The following CDKN2AIP variants were observed in gnomAD, a reference collection of about 807,000 sequenced individuals.
The protein encoded by CDKN2AIP is CDKN2A-interacting protein.
In CDKN2AIP, 12 loss-of-function variants were observed where a neutral mutation model predicts 44.1. The ratio of observed to expected loss-of-function variants is 0.27; its 90% CI spans 0.17 to 0.44. The LOEUF is 0.44. Among genes scored for constraint, CDKN2AIP ranks in the 20% least tolerant of loss-of-function variants. CDKN2AIP has a pLI of 1.00. For missense variants in CDKN2AIP, 705 were observed against 681.6 expected, an observed-to-expected ratio of 1.03 and a Z score of -0.38; for synonymous variants, 291 against 272.1, an observed-to-expected ratio of 1.07 and a Z score of -0.68.
In CDKN2AIP at chr4:183,449,002, G is replaced by T. The variant is rs1211726318; in HGVS notation, c.*1575G>T. On this transcript the variant is annotated 3_prime_UTR_variant, in exon 3 of 3. Coordinates refer to ENST00000504169, the MANE Select transcript of CDKN2AIP (RefSeq NM_017632.4). ...CAGTCTTGGAATGTGTATTTTGTGG[G>T]ATAATGATTATCAGAAAAGCAAAAA... is the stretch of plus-strand genomic sequence containing the variant. 6.6e-6 allele frequency among the ~76,000 whole-genome samples: 1 copy of T among 152,062 alleles called. No homozygotes were observed. Among genetic ancestry groups the T allele is most frequent in the Non-Finnish European group, 1.5e-5 (1 of 67,980 alleles).
rs1445933753 is a variant in CDKN2AIP at position 183,444,745 on chromosome 4, G to C, written c.-53G>C. On this transcript the variant is annotated 5_prime_UTR_variant, in exon 1 of 3. Coordinates refer to ENST00000504169, the MANE Select transcript of CDKN2AIP (RefSeq NM_017632.4). ...CCGCAGTGACAGGGCCGCTCGCCCC[G>C]CTAGTCCTGCCTGTCTCCCGGTGCA... 6.8e-7 allele frequency: 1 copy of C among 1,464,296 alleles called. No individual in the cohort carries two copies. The highest frequency in any genetic ancestry group is 9.1e-7 in the Non-Finnish European group (1 of 1,101,666). 90.7% of individuals were successfully genotyped at this position (1,464,296 alleles called of 1,614,324 possible).
chr4:183,444,949 G>T lies in CDKN2AIP; in HGVS notation c.152G>T (p.Gly51Val). ...GCCGGGGACCTGGCCCCCGCTGGCG[G>T]CGCTGCCTCCGCTAGCACGGATGAA... Reference protein sequence around the residue: ...RNAGDLAPAGGAASASTDEAA... With the variant: ...RNAGDLAPAGVAASASTDEAA... Residue 51 changes from glycine (G) to valine (V), a missense_variant, in exon 1 of 3, where the codon GGC (glycine) becomes GTC (valine). Transcript: ENST00000504169. 6.2e-7 allele frequency: 1 copy of T among 1,611,474 alleles called. No individual in the cohort carries two copies. Among genetic ancestry groups the T allele is most frequent in the Non-Finnish European group, 8.5e-7 (1 of 1,178,950 alleles).
rs137974669 is a variant in CDKN2AIP, at chr4:183,446,145, T to C, written c.461T>C (p.Val154Ala). ...ATAGAAGGAAAAAACAGTTCTGCAGTTGAGCAAGATCACGCAAAAACCTCT... is the reference window on the plus strand; with the variant it reads ...ATAGAAGGAAAAAACAGTTCTGCAGCTGAGCAAGATCACGCAAAAACCTCT... ...RVIEGKNSSA[V>A]EQDHAKTSAK... The change falls in exon 3 of 3, where the codon GTT becomes GCT. Residue 154 changes from valine (V) to alanine (A), a missense_variant. Around this residue, in one of 2 missense-constraint regions of CDKN2AIP, gnomAD observed 592 missense variants for 518.0 expected, o/e 1.14. Coordinates refer to ENST00000504169, the MANE Select transcript of CDKN2AIP (RefSeq NM_017632.4). 1.1e-5 allele frequency: 17 copies of C among 1,613,958 alleles called. No individual in the cohort carries two copies. The African/African-American group carries it at 2.3e-4, about 22-fold the overall frequency.
In CDKN2AIP at chr4:183,446,107, C is replaced by T. The variant is rs754145820; in HGVS notation, c.423C>T (p.Ser141=). The T allele has an allele frequency of 6.2e-7, 1 of 1,609,090 alleles. No individual in the cohort carries two copies. ...TTTTAGAAGGGGTAGAAGAGCCATCCAAAAAACGAGTTATAGAAGGAAAAA... is the reference window on the plus strand; with the variant it reads ...TTTTAGAAGGGGTAGAAGAGCCATCTAAAAAACGAGTTATAGAAGGAAAAA... ...SSSNEGVEEP[S]KKRVIEGKNS... Residue 141 remains serine (S), a synonymous_variant, in exon 3 of 3, where the codon TCC becomes TCT. Transcript: ENST00000504169.
chr4:183,444,689 G>C lies in CDKN2AIP; in HGVS notation c.-109G>C. On this transcript the variant is annotated 5_prime_UTR_variant, in exon 1 of 3. Coordinates refer to ENST00000504169, the MANE Select transcript of CDKN2AIP (RefSeq NM_017632.4). ...GTTGTTTGGTCTTTAGGCCTGCGGA[G>C]GGGCGTTATCTGGAGGGCCGCGGGT... 1 of 1,122,928 alleles carries C rather than the reference G, an allele frequency of 8.9e-7. No homozygotes were observed. The highest frequency in any genetic ancestry group is 1.7e-5 in the South Asian group (1 of 59,494). 69.6% of individuals were successfully genotyped at this position (1,122,928 alleles called of 1,614,324 possible). A position where few individuals can be genotyped will look rare whatever the true frequency, so the allele number is the denominator to read the frequency against.
In CDKN2AIP at chr4:183,446,693, A is replaced by T. The variant is rs1733689926; in HGVS notation, c.1009A>T (p.Ser337Cys). 1 of 1,614,114 alleles carries T rather than the reference A, an allele frequency of 6.2e-7. No individual in the cohort carries two copies. ...TGTTTCATCATCAGTTGCTAAAAAC[A>T]GTTCCTCATCAGGCACATCCTTACT... The part of the protein sequence containing the change: ...ASVSSSVAKN[S>C]SSSGTSLLTP... The change falls in exon 3 of 3, where the codon AGT becomes TGT. Residue 337 changes from serine (S) to cysteine (C), a missense_variant. By Grantham distance (112) the Ser-to-Cys change is moderately radical (BLOSUM62 -1). Coordinates refer to ENST00000504169, the MANE Select transcript of CDKN2AIP (RefSeq NM_017632.4).
chr4:183,444,989 G>C lies in CDKN2AIP; in HGVS notation c.192G>C (p.Glu64Asp). ...GCACGGATGAAGCTGCCGACGCCGAGAGCGGGACCCGAAACCGGCAGCTGC... is the reference window on the plus strand; with the variant it reads ...GCACGGATGAAGCTGCCGACGCCGACAGCGGGACCCGAAACCGGCAGCTGC... ...SASTDEAADAESGTRNRQLQQ... is the reference protein window; with the variant it reads ...SASTDEAADADSGTRNRQLQQ... Residue 64 changes from glutamate to aspartate, a missense_variant, in exon 1 of 3, where the codon GAG becomes GAC. By Grantham distance (45) the Glu-to-Asp change is conservative. Around this residue, in one of 2 missense-constraint regions of CDKN2AIP, gnomAD observed 592 missense variants for 518.0 expected, o/e 1.14. Coordinates refer to ENST00000504169, the MANE Select transcript of CDKN2AIP (RefSeq NM_017632.4). The C allele has an allele frequency of 2.5e-6, 4 of 1,605,756 alleles. No homozygotes were observed. The Middle Eastern group carries it at 6.6e-4, about 266-fold the overall frequency.
chr4:183,447,589 AATTT>A lies in CDKN2AIP; in HGVS notation c.*165_*168del, dbSNP rs1733710976. 1 of 524,702 alleles carries A rather than the reference AATTT, an allele frequency of 1.9e-6. No homozygotes were observed. The highest frequency in any genetic ancestry group is 3.3e-6 in the Non-Finnish European group (1 of 298,780). 32.5% of individuals were successfully genotyped at this position (524,702 alleles called of 1,614,324 possible). ...TCTTCACACAGTAGCAGTTGTAAAT[AATTT>A]ATGAATGACAGTACACATTAAAAGG... On this transcript the variant is annotated 3_prime_UTR_variant, in exon 3 of 3. Transcript: ENST00000504169.
chr4:183,447,342 A>T lies in CDKN2AIP; in HGVS notation c.1658A>T (p.Glu553Val). The change falls in exon 3 of 3, where the codon GAA (glutamate) becomes GTA (valine). Residue 553 changes from glutamate to valine, a missense_variant. Physicochemically the swap from Glu to Val is moderately radical, Grantham distance 121 (BLOSUM62 -2). Transcript: ENST00000504169. Reference protein sequence around the residue: ...KICKRKYRGSEIEDLVLLDEE... With the variant: ...KICKRKYRGSVIEDLVLLDEE... ...TGTAAAAGGAAATACAGAGGCAGTG[A>T]AATAGAAGATCTAGTACTCCTTGAT... 1 of 1,607,054 alleles carries T rather than the reference A, an allele frequency of 6.2e-7. No homozygotes were observed. Among genetic ancestry groups the T allele is most frequent in the Non-Finnish European group, 8.5e-7 (1 of 1,176,832 alleles).
chr4:183,447,112 A>C lies in CDKN2AIP; in HGVS notation c.1428A>C (p.Ala476=). The C allele has an allele frequency of 6.2e-7, 1 of 1,614,064 alleles. No homozygotes were observed. The highest frequency in any genetic ancestry group is 1.1e-5 in the South Asian group (1 of 91,080). ...LLNAAIEALK[A]TLDVFFVPLK... ...ATGCAGCTATTGAGGCTCTGAAAGCAACACTGGATGTATTTTTTGTCCCAC... is the reference window on the plus strand; with the variant it reads ...ATGCAGCTATTGAGGCTCTGAAAGCCACACTGGATGTATTTTTTGTCCCAC... The change falls in exon 3 of 3, where the codon GCA becomes GCC. Residue 476 remains alanine (A), a synonymous_variant. Transcript: ENST00000504169.
chr4:183,446,638 G>A lies in CDKN2AIP; in HGVS notation c.954G>A (p.Gly318=), dbSNP rs373972913. The change falls in exon 3 of 3, where the codon GGG becomes GGA. Residue 318 remains glycine (G), a synonymous_variant. Coordinates refer to ENST00000504169, the MANE Select transcript of CDKN2AIP (RefSeq NM_017632.4). Reference sequence around the variant, plus strand: ...CTAGTTCAGAGACAGCTTCAAGTGGGTTAACTTCCAAAACTAGTTCAGAGG... The same window carrying A: ...CTAGTTCAGAGACAGCTTCAAGTGGATTAACTTCCAAAACTAGTTCAGAGG... ...SKPSSETASS[G]LTSKTSSEAS... is the part of the protein sequence containing the mutation. The A allele has an allele frequency of 3.7e-6, 6 of 1,614,054 alleles. No homozygotes were observed. Among genetic ancestry groups the A allele is most frequent in the Non-Finnish European group, 5.1e-6 (6 of 1,179,894 alleles).
rs751948368 is a variant in CDKN2AIP at position 183,446,352 on chromosome 4, C to G, written c.668C>G (p.Thr223Arg). 6.2e-7 allele frequency: 1 copy of G among 1,614,142 alleles called. No homozygotes were observed. The highest frequency in any genetic ancestry group is 2.2e-5 in the East Asian group (1 of 44,886). ...QSSSSVSSQVTTAGSGKASEA... is the reference protein window; with the variant it reads ...QSSSSVSSQVRTAGSGKASEA... Reference sequence around the variant, plus strand: ...AGCAGCAGCGTTTCCTCTCAGGTAACAACGGCAGGATCTGGGAAAGCTTCT... The same window carrying G: ...AGCAGCAGCGTTTCCTCTCAGGTAAGAACGGCAGGATCTGGGAAAGCTTCT... The change falls in exon 3 of 3, where the codon ACA (threonine) becomes AGA (arginine). Residue 223 changes from threonine to arginine, a missense_variant. Physicochemically the swap from Thr to Arg is moderately conservative, Grantham distance 71 (BLOSUM62 -1). Transcript: ENST00000504169.
Position 183,446,191 on chromosome 4 carries a change from A to C in CDKN2AIP, c.507A>C (p.Ser169=). The C allele has an allele frequency of 6.2e-7, 1 of 1,614,206 alleles. No homozygotes were observed. Among genetic ancestry groups the C allele is most frequent in the Non-Finnish European group, 8.5e-7 (1 of 1,180,004 alleles). Residue 169 remains serine, a synonymous_variant, in exon 3 of 3, where the codon TCA becomes TCC. Coordinates refer to ENST00000504169, the MANE Select transcript of CDKN2AIP (RefSeq NM_017632.4). The part of the protein sequence containing the change: ...AKTSAKTERA[S]AQQENSSTCI... Reference sequence around the variant, plus strand: ...CCTCTGCCAAGACAGAACGTGCATCAGCTCAGCAGGAAAACAGTTCAACGT... The same window carrying C: ...CCTCTGCCAAGACAGAACGTGCATCCGCTCAGCAGGAAAACAGTTCAACGT...
chr4:183,447,210 CTG>C lies in CDKN2AIP; in HGVS notation c.1530_1531del (p.Tyr511PhefsTer35). ...ATTGTTTGTGAATTGAGGTGCAAGT[CTG>C]TGTATTTGGGCACTGGCTGTGGAAA... On this transcript the variant is annotated frameshift_variant, in exon 3 of 3. Transcript: ENST00000504169. LOFTEE classifies it high-confidence loss of function. 6.2e-7 allele frequency: 1 copy of C among 1,613,556 alleles called. No homozygotes were observed.
chr4:183,447,359 C>A lies in CDKN2AIP; in HGVS notation c.1675C>A (p.Leu559Ile). The change falls in exon 3 of 3, where the codon CTC (leucine) becomes ATC (isoleucine). Residue 559 changes from leucine (L) to isoleucine (I), a missense_variant. Around this residue, in one of 2 missense-constraint regions of CDKN2AIP, gnomAD observed 113 missense variants for 163.6 expected, o/e 0.69. Coordinates refer to ENST00000504169, the MANE Select transcript of CDKN2AIP (RefSeq NM_017632.4). Reference sequence around the variant, plus strand: ...AGGCAGTGAAATAGAAGATCTAGTACTCCTTGATGAAGAATCGAGGCCTGT... The same window carrying A: ...AGGCAGTGAAATAGAAGATCTAGTAATCCTTGATGAAGAATCGAGGCCTGT... ...YRGSEIEDLV[L>I]LDEESRPVNL... is the part of the protein sequence containing the mutation. 1 of 1,588,316 alleles carries A rather than the reference C, an allele frequency of 6.3e-7. No homozygotes were observed. The highest frequency in any genetic ancestry group is 8.6e-7 in the Non-Finnish European group (1 of 1,168,710).
rs73870526 is a variant in CDKN2AIP at position 183,446,572 on chromosome 4, A to C, written c.888A>C (p.Ser296=). The change falls in exon 3 of 3, where the codon TCA becomes TCC. Residue 296 remains serine (S), a synonymous_variant. Transcript: ENST00000504169. ...SEIEVPLLGS[S]GSSEVELPLL... ...TCGAGGTGCCCTTGTTGGGCTCCTCAGGAAGCTCAGAGGTAGAATTGCCAC... is the reference window on the plus strand; with the variant it reads ...TCGAGGTGCCCTTGTTGGGCTCCTCCGGAAGCTCAGAGGTAGAATTGCCAC... 202 of 1,614,004 alleles carry C rather than the reference A, an allele frequency of 1.3e-4. No homozygotes were observed. The highest frequency in any genetic ancestry group is 1.7e-4 in the Non-Finnish European group (195 of 1,179,940).
chr4:183,447,461 T>C lies in CDKN2AIP; in HGVS notation c.*34T>C. ...AAATATCACTGCATACAATATCTGG[T>C]ATTTGAAGAGAAAAACTGACTTTTG... On this transcript the variant is annotated 3_prime_UTR_variant, in exon 3 of 3. Coordinates refer to ENST00000504169, the MANE Select transcript of CDKN2AIP (RefSeq NM_017632.4). 6.9e-7 allele frequency: 1 copy of C among 1,442,556 alleles called. No individual in the cohort carries two copies. Among genetic ancestry groups the C allele is most frequent in the Non-Finnish European group, 9.3e-7 (1 of 1,077,670 alleles). 89.4% of individuals were successfully genotyped at this position (1,442,556 alleles called of 1,614,324 possible).
rs1388136962 is a variant in CDKN2AIP, at chr4:183,448,560, T to C, written c.*1133T>C. ...TCATTGTATATTCTGTTTACTTTGC[T>C]TCAAACTGGCCCCAAGATGTTATTT... On this transcript the variant is annotated 3_prime_UTR_variant, in exon 3 of 3. Transcript: ENST00000504169. 6.6e-6 allele frequency among the ~76,000 whole-genome samples: 1 copy of C among 152,184 alleles called. No homozygotes were observed. Among genetic ancestry groups the C allele is most frequent in the Admixed American group, 6.5e-5 (1 of 15,270 alleles).
chr4:183,445,778 A>G (rs1733653926), intron 2 of CDKN2AIP, 113 bp downstream of exon 2: 1 of 826,990 alleles, frequency 1.2e-6, no homozygotes, highest in East Asian at 2.6e-5. Flanking sequence ...TGTTATTAAT[A>G]AGTAATAAAG....
Sources: gnomAD v4.1 joint callset for allele counts (sites outside exome capture counted in the v4.1 genomes callset) on GRCh38, gnomAD v4.1.1 for gene constraint, gnomAD v4.1.1 regional missense constraint, MANE v1.5 for transcripts, NCBI Gene and HGNC (gene_info 2026-07-23, HGNC 2026-07-21) for gene names.